SMURF2: variants seen among roughly 807,000 people sequenced by gnomAD.
SMURF2 encodes the protein SMAD specific E3 ubiquitin protein ligase 2, also known as E3 ubiquitin-protein ligase SMURF2.
In SMURF2, 48 loss-of-function variants were observed where a neutral mutation model predicts 109.6. That is an observed-to-expected ratio of 0.44 (90% confidence interval 0.35 to 0.56). The LOEUF (loss-of-function observed/expected upper bound fraction) is 0.56. Among genes scored for constraint, SMURF2 ranks in the 20% least tolerant of loss-of-function variants. The probability of loss-of-function intolerance (pLI) is 0.01; values close to 1 mark genes in which losing one functional copy is unlikely to be tolerated. For missense variants in SMURF2, 575 were observed against 909.0 expected (o/e 0.63, Z 4.72); for synonymous variants, 288 against 317.1 (o/e 0.91, Z 0.97).
chr17:64,586,712 C>T lies in SMURF2; in HGVS notation c.401-542G>A, dbSNP rs185150813. ...CTTGCAGTGAGCTGAGATCGCGCCA[C>T]TGCACTCCAGCCTGGGCGATACAGC... On this transcript the variant is annotated intron_variant, in intron 5 of 18. Transcript: ENST00000262435. 1.6e-4 allele frequency among the ~76,000 whole-genome samples: 21 copies of T among 132,238 alleles called. 1 individual carries two copies. The highest frequency in any genetic ancestry group is 5.9e-4 in the African/African-American group (20 of 33,968). The allele number at this position is 132,238 out of a possible 152,430, so 86.8% of individuals were successfully genotyped here.
intron 1 of SMURF2, among the ~76,000 whole-genome samples, chr17:64,660,399 AG>A (rs952309254): frequency 2.0e-4 from 30 of 152,066 alleles, no homozygotes; most frequent in East Asian, 3.8e-4. Context: ...ATGAGGGGGG[AG>A]GGGGTGGAAT....
intron 3 of SMURF2, among the ~76,000 whole-genome samples, chr17:64,596,732 G>C (rs1969824657): frequency 6.6e-6 from 1 of 151,748 alleles, no homozygotes; most frequent in African/African-American, 2.4e-5. Flanking sequence ...AGAGAACACA[G>C]ACTCCCAGGA....
intron 5 of SMURF2, among the ~76,000 whole-genome samples, chr17:64,588,859 G>A (rs1598284159): frequency 6.6e-6 from 1 of 152,134 alleles, no homozygotes; most frequent in East Asian, 1.9e-4. Flanking sequence ...TCCTGACCTC[G>A]TGATCCACCC....
At position 64,547,795 on chromosome 17, in the gene SMURF2, T is replaced by C. The variant is rs781908426; in HGVS notation, c.1876A>G (p.Ile626Val). Residue 626 changes from isoleucine (I) to valine (V), a missense_variant, in exon 17 of 19, where the codon ATT becomes GTT. Around this residue, in one of 5 missense-constraint regions of SMURF2, gnomAD observed 361 missense variants for 612.1 expected, o/e 0.59. Coordinates refer to ENST00000262435, the MANE Select transcript of SMURF2 (RefSeq NM_022739.4). This position sits in a 1 kb window ranked among gnomAD's most constrained non-coding sequence, Gnocchi z 4.2. ...TFDEKELELI[I>V]CGLGKIDVND... The stretch of plus-strand genomic sequence containing the variant: ...ACATCTATCTTTCCAAGTCCACAAA[T>C]AATGAGCTGTGAAAATAGTACACAG... The C allele has an allele frequency of 1.2e-6, 2 of 1,614,098 alleles. No individual in the cohort carries two copies. The highest frequency in any genetic ancestry group is 1.1e-5 in the South Asian group (1 of 91,084).
chr17:64,633,801 A>C (rs1366542965), intron 1 of SMURF2, among the ~76,000 whole-genome samples: 1 of 150,690 alleles, frequency 6.6e-6, no homozygotes, highest in African/African-American at 2.4e-5. Context: ...TTAGCCCCCC[A>C]CCCCCCAAAA....
chr17:64,581,055 CAA>C lies in SMURF2; in HGVS notation c.570-66_570-65del. On this transcript the variant is annotated intron_variant, in intron 7 of 18. Coordinates refer to ENST00000262435, the MANE Select transcript of SMURF2 (RefSeq NM_022739.4). The surrounding 1 kb of genome is among the most constrained non-coding windows in gnomAD (Gnocchi z 4.3). ...GATATCAAAAGTAGAGTTCTCTAGACAATATATATATACTGCAGTAACAACCA... is the reference window on the plus strand; with the variant it reads ...GATATCAAAAGTAGAGTTCTCTAGACTATATATATACTGCAGTAACAACCA... 1 of 1,414,028 alleles carries C rather than the reference CAA, an allele frequency of 7.1e-7. No homozygotes were observed. Among genetic ancestry groups the C allele is most frequent in the Non-Finnish European group, 1.0e-6 (1 of 1,004,604 alleles). The allele number at this position is 1,414,028 out of a possible 1,614,324, so 87.6% of individuals were successfully genotyped here.
chr17:64,558,127 C>T (rs1439988100), intron 12 of SMURF2, among the ~76,000 whole-genome samples: 9 of 152,084 alleles, frequency 5.9e-5, no homozygotes, highest in African/African-American at 2.2e-4. Context: ...AGGCTGGGGA[C>T]GGTGGCTCAC....
rs59701513 is a variant in SMURF2 at position 64,637,923 on chromosome 17, C to CAAAAAAAAAAAAAAAAAAAAAA, written c.52+23905_52+23906insTTTTTTTTTTTTTTTTTTTTTT. On this transcript the variant is annotated intron_variant, in intron 1 of 18. Transcript: ENST00000262435. ...CATTGAATGGTTTTGGCGCCCTAGTCAAAAAAAAAAAAAAAAAAAATCAAC... is the reference window on the plus strand; with the variant it reads ...CATTGAATGGTTTTGGCGCCCTAGTCAAAAAAAAAAAAAAAAAAAAAAAAAAAAAAAAAAAAAAAAAATCAAC... Among the ~76,000 whole-genome samples the CAAAAAAAAAAAAAAAAAAAAAA allele has an allele frequency of 7.3e-3, 527 of 72,510 alleles. 7 individuals carry two copies. Among genetic ancestry groups the CAAAAAAAAAAAAAAAAAAAAAA allele is most frequent in the South Asian group, 0.022 (45 of 2,056 alleles). 47.6% of individuals were successfully genotyped at this position (72,510 alleles called of 152,430 possible). A position where few individuals can be genotyped will look rare whatever the true frequency, so the allele number is the denominator to read the frequency against.
At chr17:64,595,237 T>C (rs1400643318) in intron 3 of SMURF2, among the ~76,000 whole-genome samples, 1 of 152,224 alleles carries the variant, frequency 6.6e-6, no homozygotes, top group Admixed American at 6.5e-5. Context: ...GAAGATAGCC[T>C]AACTCTGAAT....
chr17:64,646,251 A>G (rs1214324018), intron 1 of SMURF2, among the ~76,000 whole-genome samples: 1 of 151,888 alleles, frequency 6.6e-6, no homozygotes, highest in African/African-American at 2.4e-5. Flanking sequence ...TTTTTGGTAG[A>G]GACAGAGTTT....
intron 1 of SMURF2, among the ~76,000 whole-genome samples, chr17:64,636,742 G>A (rs556305729): frequency 1.6e-4 from 24 of 150,684 alleles, no homozygotes; most frequent in African/African-American, 5.9e-4. Flanking sequence ...TCATGCTGCT[G>A]CACTCCTGCC....
At chr17:64,618,205 A>G (rs562991042) in intron 1 of SMURF2, among the ~76,000 whole-genome samples, 1 of 152,308 alleles carries the variant, frequency 6.6e-6, no homozygotes, top group East Asian at 1.9e-4. Flanking sequence ...GGCTGAGGTG[A>G]GAGAATCACT....
intron 1 of SMURF2, among the ~76,000 whole-genome samples, chr17:64,628,506 T>A (rs562883690): frequency 6.6e-6 from 1 of 152,182 alleles, no homozygotes; most frequent in Non-Finnish European, 1.5e-5. Context: ...TTCATATACA[T>A]GTCTAATAAG....
chr17:64,602,940 T>A (rs187401229), intron 2 of SMURF2, among the ~76,000 whole-genome samples: 5,619 of 150,844 alleles, frequency 0.037, 354 homozygotes, highest in African/African-American at 0.13. Context: ...AAAAAAAAAA[T>A]TTTTTTTTGT....
At chr17:64,649,715 G>A (rs1472286505) in intron 1 of SMURF2, among the ~76,000 whole-genome samples, 6 of 151,988 alleles carry the variant, frequency 3.9e-5, no homozygotes, top group Middle Eastern at 3.4e-3. Context: ...ATGGTGGTGC[G>A]TGCCTGTAGT....
At chr17:64,626,275 C>CA (rs1275353484) in intron 1 of SMURF2, among the ~76,000 whole-genome samples, 3 of 139,108 alleles carry the variant, frequency 2.2e-5, no homozygotes, top group African/African-American at 7.9e-5. Flanking sequence ...AAAAAAAAAA[C>CA]AAAAAACATA....
Position 64,555,007 on chromosome 17 carries a change from A to T in SMURF2, c.1611-14T>A. 6.2e-7 allele frequency: 1 copy of T among 1,608,006 alleles called. No individual in the cohort carries two copies. Among genetic ancestry groups the T allele is most frequent in the Non-Finnish European group, 8.5e-7 (1 of 1,177,504 alleles). On this transcript the variant is annotated splice_polypyrimidine_tract_variant and intron_variant, in intron 14 of 18. Coordinates refer to ENST00000262435, the MANE Select transcript of SMURF2 (RefSeq NM_022739.4). ...ATATCATTCTCACTGGATAGGAAAG[A>T]GGAAAAGATATGTAACTGGGAAACC...
chr17:64,597,749 G>T (rs1299874750), intron 3 of SMURF2, among the ~76,000 whole-genome samples: 32 of 150,502 alleles, frequency 2.1e-4, no homozygotes, highest in African/African-American at 7.4e-4. Context: ...CTCCAACCTG[G>T]GTGACAGAGC....
chr17:64,597,435 T>TA (rs1225828772), intron 3 of SMURF2, among the ~76,000 whole-genome samples: 3 of 151,806 alleles, frequency 2.0e-5, no homozygotes, highest in African/African-American at 7.3e-5. Flanking sequence ...TTTTTAATAA[T>TA]AAAAAATAAA....
Sources: allele counts gnomAD v4.1 joint callset (sites outside exome capture counted in the v4.1 genomes callset), GRCh38; gene constraint gnomAD v4.1.1; regional missense constraint gnomAD v4.1.1; non-coding constraint Gnocchi (gnomAD v3.1); transcripts MANE v1.5; gene names NCBI Gene and HGNC (gene_info 2026-07-23, HGNC 2026-07-21).